Variants in MLKL observed in about 807,000 individuals in gnomAD.
MLKL encodes the protein mixed lineage kinase domain-like protein.
MLKL carries 55 observed loss-of-function variants against 56.5 expected under a neutral mutation model. That is an observed-to-expected ratio of 0.97 (90% confidence interval 0.78 to 1.22). The LOEUF is 1.22. Ranked by LOEUF, MLKL falls within the 50% of genes most tolerant of loss-of-function variation. MLKL has a pLI of 0.00. For missense variants in MLKL, 694 were observed against 573.9 expected, an observed-to-expected ratio of 1.21 and a Z score of -2.14; for synonymous variants, 251 against 208.3, an observed-to-expected ratio of 1.20 and a Z score of -1.76.
In MLKL at chr16:74,672,429, T is replaced by C. The variant is rs557688225; in HGVS notation, c.*75A>G. On this transcript the variant is annotated 3_prime_UTR_variant, in exon 11 of 11. Coordinates refer to ENST00000308807, the MANE Select transcript of MLKL (RefSeq NM_152649.4). ...ATAGATAACCCAATGCCGAAGGATA[T>C]GAGAGAGAGAGATGTCCAGTTTGTG... 10 of 1,365,520 alleles carry C rather than the reference T, an allele frequency of 7.3e-6. No individual in the cohort carries two copies. In the South Asian group the frequency reaches 9.5e-5, roughly 13 times the overall value. The allele number at this position is 1,365,520 out of a possible 1,614,324, so 84.6% of individuals were successfully genotyped here.
At chr16:74,677,066 T>G (rs1417606993) in intron 7 of MLKL, 1 of 152,224 alleles carries the variant, frequency 6.6e-6, no homozygotes, top group African/African-American at 2.4e-5. Context: ...ATTTATTTAT[T>G]TTTTGAGACG....
chr16:74,685,481 C>A lies in MLKL; in HGVS notation c.820+5G>T, dbSNP rs755461996. The A allele has an allele frequency of 3.1e-6, 5 of 1,611,084 alleles. No individual in the cohort carries two copies. The highest frequency in any genetic ancestry group is 4.2e-6 in the Non-Finnish European group (5 of 1,177,352). ...AGCTTGACCAATCCTAGAAGCATTC[C>A]TTACCTGTTTCATCAATGCAAATCC... is the stretch of plus-strand genomic sequence containing the variant. On this transcript the variant is annotated splice_donor_5th_base_variant and intron_variant, in intron 5 of 10. Coordinates refer to ENST00000308807, the MANE Select transcript of MLKL (RefSeq NM_152649.4).
intron 7 of MLKL, chr16:74,676,407 C>T (rs1267315302): frequency 3.0e-6 from 3 of 985,380 alleles, no homozygotes; most frequent in Non-Finnish European, 3.6e-6. Flanking sequence ...CAGCCCCAAA[C>T]TCAGCCAGGT....
At chr16:74,680,388 T>G (rs758381310) in intron 6 of MLKL, among the ~76,000 whole-genome samples, 1 of 152,236 alleles carries the variant, frequency 6.6e-6, no homozygotes, top group Non-Finnish European at 1.5e-5. Flanking sequence ...GATAAGGTGG[T>G]ATGCAAGATT....
chr16:74,693,924 T>A (rs571408059), intron 2 of MLKL, among the ~76,000 whole-genome samples: 1 of 152,192 alleles, frequency 6.6e-6, no homozygotes, highest in Non-Finnish European at 1.5e-5. Context: ...TTTTATGTTA[T>A]GTATATTTTA....
chr16:74,676,056 T>C (rs1597480170), intron 7 of MLKL: 2 of 353,702 alleles, frequency 5.7e-6, no homozygotes, highest in African/African-American at 4.2e-5. Context: ...ACCTGCTAAG[T>C]TGTAGTTGTT....
At chr16:74,674,065 C>G (rs1959416252) in intron 10 of MLKL, among the ~76,000 whole-genome samples, 2 of 151,916 alleles carry the variant, frequency 1.3e-5, no homozygotes, top group African/African-American at 2.4e-5. Context: ...ACAATGCCCT[C>G]TGGAAGCCCT....
intron 4 of MLKL, among the ~76,000 whole-genome samples, chr16:74,690,030 T>C (rs1367040559): frequency 6.6e-6 from 1 of 152,138 alleles, no homozygotes; most frequent in Non-Finnish European, 1.5e-5. Flanking sequence ...AGCTGACAAG[T>C]GCTTTATTTC....
At chr16:74,674,868 A>C in intron 10 of MLKL, 92 bp downstream of exon 10, 1 of 1,483,390 alleles carries the variant, frequency 6.7e-7, no homozygotes, top group Non-Finnish European at 9.1e-7. Flanking sequence ...CCCTCGTTGT[A>C]AACTACTGCC....
intron 4 of MLKL, 110 bp from the exon 5 acceptor site, chr16:74,685,693 G>T: frequency 1.3e-6 from 1 of 755,196 alleles, no homozygotes; most frequent in Non-Finnish European, 2.3e-6. Flanking sequence ...CAGCATCTGG[G>T]GTGAGAACTG....
At chr16:74,681,156 G>A (rs1959941004) in intron 6 of MLKL, among the ~76,000 whole-genome samples, 1 of 152,044 alleles carries the variant, frequency 6.6e-6, no homozygotes, top group Non-Finnish European at 1.5e-5. Flanking sequence ...CTCCTGAGTA[G>A]CTGAGATTAC....
rs1961340746 is a variant in MLKL at position 74,700,786 on chromosome 16, A to T, written c.-336T>A. 6.6e-6 allele frequency: 1 copy of T among 152,228 alleles called. No homozygotes were observed. The highest frequency in any genetic ancestry group is 2.4e-5 in the African/African-American group (1 of 41,458). The allele number at this position is 152,228 out of a possible 1,614,324, so 9.4% of individuals were successfully genotyped here. A position where few individuals can be genotyped will look rare whatever the true frequency, so the allele number is the denominator to read the frequency against. ...AGTGCCCTCCGGAGGCCACTGCCTC[A>T]GGTCTGTGATGCCTGCAGAGAATGC... On this transcript the variant is annotated 5_prime_UTR_variant, in exon 1 of 11. Transcript: ENST00000308807.
rs1960979875 is a variant in MLKL at position 74,695,562 on chromosome 16, T to C, written c.196A>G (p.Lys66Glu). 1.2e-6 allele frequency: 2 copies of C among 1,614,216 alleles called. No individual in the cohort carries two copies. Among genetic ancestry groups the C allele is most frequent in the Non-Finnish European group, 1.7e-6 (2 of 1,180,044 alleles). ...CCATTAGCCTCCTCCAGGGCAGCCTTGAAGCGGTTCATGGCTGTGGTTAAC... is the reference window on the plus strand; with the variant it reads ...CCATTAGCCTCCTCCAGGGCAGCCTCGAAGCGGTTCATGGCTGTGGTTAAC... Reference protein sequence around the residue: ...EKLTTAMNRFKAALEEANGEI... With the variant: ...EKLTTAMNRFEAALEEANGEI... Residue 66 changes from lysine to glutamate, a missense_variant, in exon 2 of 11, where the codon AAG becomes GAG. Physicochemically the swap from Lys to Glu is moderately conservative, Grantham distance 56. Transcript: ENST00000308807.
At position 74,675,750 on chromosome 16, in the gene MLKL, C is replaced by T. The variant is rs558417698; in HGVS notation, c.1053G>A (p.Glu351=). 2.2e-5 allele frequency: 36 copies of T among 1,614,066 alleles called. No individual in the cohort carries two copies. In the South Asian group the frequency reaches 3.3e-4, roughly 15 times the overall value. The stretch of plus-strand genomic sequence containing the variant: ...TCATGGAAGTCTGTGTTTTCCTCAA[C>T]TCAAATCCTGCAAGCTAGATAGAGA... ...QGYQVKLAGF[E]LRKTQTSMSL... Residue 351 remains glutamate, a synonymous_variant, in exon 8 of 11, where the codon GAG becomes GAA. Transcript: ENST00000308807.
At position 74,695,770 on chromosome 16, in the gene MLKL, T is replaced by C; in HGVS notation, c.-2-11A>G. On this transcript the variant is annotated splice_polypyrimidine_tract_variant and intron_variant, in intron 1 of 10. Transcript: ENST00000308807. ...TCAAATTTTCCATGCCTGGAAGAAA[T>C]GAATGGAATTTGGTGAAATCCCCAA... The C allele has an allele frequency of 6.4e-7, 1 of 1,572,382 alleles. No individual in the cohort carries two copies. Among genetic ancestry groups the C allele is most frequent in the Non-Finnish European group, 8.6e-7 (1 of 1,159,180 alleles).
rs548721784 is a variant in MLKL, at chr16:74,683,137, T to C, written c.821-351A>G. 1.9e-3 allele frequency among the ~76,000 whole-genome samples: 291 copies of C among 151,854 alleles called. 1 individual carries two copies. The highest frequency in any genetic ancestry group is 6.7e-3 in the African/African-American group (278 of 41,380). On this transcript the variant is annotated intron_variant, in intron 5 of 10. Transcript: ENST00000308807. ...CAGCCTGGCCTACGTGGTGAAACCA[T>C]GTCTCTACTAAAAATACAAAAATTA...
chr16:74,674,524 C>T (rs1959458707), intron 10 of MLKL, among the ~76,000 whole-genome samples: 1 of 151,362 alleles, frequency 6.6e-6, no homozygotes, highest in African/African-American at 2.4e-5. Context: ...GTGGCGTGAT[C>T]TTGGCTCACT....
At chr16:74,676,210 C>G (rs1001609976) in intron 7 of MLKL, 3 of 995,640 alleles carry the variant, frequency 3.0e-6, no homozygotes, top group Non-Finnish European at 3.6e-6. Context: ...GGGGCATCCC[C>G]TCTGTGCTAT....
At chr16:74,684,042 G>A (rs917813231) in intron 5 of MLKL, among the ~76,000 whole-genome samples, 4 of 152,012 alleles carry the variant, frequency 2.6e-5, no homozygotes, top group African/African-American at 9.7e-5. Context: ...CCGCCTCCCA[G>A]GTTCACGCAA....
Sources: allele counts gnomAD v4.1 joint callset (sites outside exome capture counted in the v4.1 genomes callset), GRCh38; gene constraint gnomAD v4.1.1; transcripts MANE v1.5; gene names NCBI Gene and HGNC (gene_info 2026-07-23, HGNC 2026-07-21).